The following CCSER2 variants were observed in gnomAD, a reference collection of about 807,000 sequenced individuals.
The protein encoded by CCSER2 is coiled-coil serine rich protein 2.
Under a neutral mutation model 92.3 loss-of-function variants are expected in CCSER2, and 46 were observed. The observed-to-expected ratio is 0.50, with a 90% CI of 0.39 to 0.64. The LOEUF (loss-of-function observed/expected upper bound fraction) is 0.64. Among genes scored for constraint, CCSER2 ranks in the 30% least tolerant of loss-of-function variants. The probability of loss-of-function intolerance (pLI) is 0.00; values close to 1 mark genes in which losing one functional copy is unlikely to be tolerated. For synonymous variants in CCSER2, 433 were observed against 431.4 expected (o/e 1.00, Z -0.04); for missense variants, 1,244 against 1,238.9 (o/e 1.00, Z -0.06).
At chr10:84,335,228 CTTTTTTTTT>C (rs1202869188) in intron 1 of CCSER2, among the ~76,000 whole-genome samples, 2 of 70,010 alleles carry the variant, frequency 2.9e-5, no homozygotes, top group South Asian at 7.4e-4. Context: ...CTCTCTCTCT[CTTTTTTTTT>C]TTTTTTTTTT....
chr10:84,507,330 C>T (rs1849111131), intron 9 of CCSER2: 6 of 984,818 alleles, frequency 6.1e-6, no homozygotes, highest in Admixed American at 6.2e-5. Flanking sequence ...TCTGACAAAG[C>T]GTGGTACAGT....
intron 1 of CCSER2, among the ~76,000 whole-genome samples, chr10:84,360,424 T>G (rs1195885912): frequency 1.3e-5 from 2 of 152,234 alleles, no homozygotes; most frequent in East Asian, 3.8e-4. Context: ...TTTTATCAAT[T>G]TGTAGAATAA....
chr10:84,330,904 C>A (rs556091117), intron 1 of CCSER2, among the ~76,000 whole-genome samples: 2 of 152,246 alleles, frequency 1.3e-5, no homozygotes, highest in East Asian at 3.9e-4. Flanking sequence ...TTTTGAGGCG[C>A]AAAGTCACGC....
At chr10:84,391,689 C>T (rs1841526983) in intron 3 of CCSER2, 1 of 1,521,142 alleles carries the variant, frequency 6.6e-7, no homozygotes, top group East Asian at 2.3e-5. Flanking sequence ...GAGAATACAG[C>T]AATAACGATT....
intron 6 of CCSER2, among the ~76,000 whole-genome samples, chr10:84,441,764 T>G (rs1844576421): frequency 8.9e-6 from 1 of 112,434 alleles, no homozygotes; most frequent in East Asian, 2.8e-4. Flanking sequence ...TTTTTTTTTT[T>G]TTTTTTTTTT....
chr10:84,461,740 T>C (rs1846116253), intron 6 of CCSER2, among the ~76,000 whole-genome samples: 1 of 152,004 alleles, frequency 6.6e-6, no homozygotes, highest in African/African-American at 2.4e-5. Flanking sequence ...TAATAACAGC[T>C]CTGTTAAAAT....
chr10:84,424,434 A>G (rs1010247505), intron 4 of CCSER2, among the ~76,000 whole-genome samples: 1 of 152,212 alleles, frequency 6.6e-6, no homozygotes, highest in African/African-American at 2.4e-5. Context: ...TAATGAATAT[A>G]AACAAAATTT....
intron 5 of CCSER2, among the ~76,000 whole-genome samples, chr10:84,437,124 A>G (rs1054952046): frequency 2.2e-5 from 3 of 139,134 alleles, no homozygotes; most frequent in African/African-American, 5.4e-5. Flanking sequence ...TAACTAGCCA[A>G]CCAAATACAC....
intron 3 of CCSER2, among the ~76,000 whole-genome samples, chr10:84,399,268 T>C (rs1841995203): frequency 6.6e-6 from 1 of 152,192 alleles, no homozygotes; most frequent in Non-Finnish European, 1.5e-5. Context: ...CTCCCACTTA[T>C]AAGTGAGAGC....
At chr10:84,403,903 T>C (rs1422760003) in intron 3 of CCSER2, among the ~76,000 whole-genome samples, 1 of 152,222 alleles carries the variant, frequency 6.6e-6, no homozygotes, top group Non-Finnish European at 1.5e-5. Context: ...CTTTGTGCTC[T>C]AGAAGATAAC....
chr10:84,470,013 ATTTTTTTT>A lies in CCSER2; in HGVS notation c.2149-342_2149-335del, dbSNP rs67106487. Reference sequence around the variant, plus strand: ...AGCTGAAGTTGCTTTTTTGTATGTGATTTTTTTTTTTTTTTTTTTTTTTTACTCTGTGG... The same window carrying A: ...AGCTGAAGTTGCTTTTTTGTATGTGATTTTTTTTTTTTTTTTACTCTGTGG... On this transcript the variant is annotated intron_variant, in intron 7 of 9. Transcript: ENST00000372088. Among the ~76,000 whole-genome samples the A allele has an allele frequency of 1.5e-4, 14 of 96,518 alleles. No individual in the cohort carries two copies. The East Asian group carries it at 3.6e-3, about 25-fold the overall frequency. The allele number at this position is 96,518 out of a possible 152,430, so 63.3% of individuals were successfully genotyped here.
At chr10:84,460,755 G>A (rs985490203) in intron 6 of CCSER2, among the ~76,000 whole-genome samples, 2 of 152,056 alleles carry the variant, frequency 1.3e-5, no homozygotes, top group African/African-American at 4.8e-5. Context: ...TCAAATTTGT[G>A]TGTGTAGAGT....
Position 84,417,862 on chromosome 10 carries a change from GT to G in CCSER2, c.1705+2del. 6.7e-7 allele frequency: 1 copy of G among 1,496,966 alleles called. No individual in the cohort carries two copies. The highest frequency in any genetic ancestry group is 9.3e-7 in the Non-Finnish European group (1 of 1,073,470). The allele number at this position is 1,496,966 out of a possible 1,614,324, so 92.7% of individuals were successfully genotyped here. ...CCTGAGGATGCACCTCTTGAAAATG[GT>G]AAGTTGAGACAATATTGAACCTTCA... On this transcript the variant is annotated splice_donor_variant, in intron 4 of 9. Transcript: ENST00000372088. LOFTEE classifies it high-confidence loss of function.
chr10:84,387,054 G>A (rs1213521830), intron 3 of CCSER2, among the ~76,000 whole-genome samples: 1 of 152,092 alleles, frequency 6.6e-6, no homozygotes. Flanking sequence ...TGTTCATGGA[G>A]TAAACTTACA....
intron 9 of CCSER2, among the ~76,000 whole-genome samples, chr10:84,507,703 T>C (rs1849137565): frequency 6.6e-6 from 1 of 152,180 alleles, no homozygotes; most frequent in Non-Finnish European, 1.5e-5. Context: ...CTGGCATGAG[T>C]GCTTTTCCGT....
chr10:84,502,666 C>T (rs1020520983), intron 9 of CCSER2, among the ~76,000 whole-genome samples: 1 of 151,966 alleles, frequency 6.6e-6, no homozygotes, highest in African/African-American at 2.4e-5. Flanking sequence ...CCACCACGCT[C>T]GGCCTCTTTG....
chr10:84,391,689 C>A, intron 3 of CCSER2: 1 of 1,521,138 alleles, frequency 6.6e-7, no homozygotes, highest in Non-Finnish European at 9.1e-7. Flanking sequence ...GAGAATACAG[C>A]AATAACGATT....
intron 6 of CCSER2, among the ~76,000 whole-genome samples, chr10:84,456,563 A>G (rs1845635618): frequency 6.6e-6 from 1 of 152,174 alleles, no homozygotes; most frequent in Non-Finnish European, 1.5e-5. Flanking sequence ...ACAGATTTTC[A>G]TGTGAGCATG....
intron 3 of CCSER2, among the ~76,000 whole-genome samples, chr10:84,381,513 A>G (rs1840902984): frequency 6.6e-6 from 1 of 152,180 alleles, no homozygotes; most frequent in East Asian, 1.9e-4. Flanking sequence ...TTGCACAGAT[A>G]ATGTGATTTA....
Sources: allele counts gnomAD v4.1 joint callset (sites outside exome capture counted in the v4.1 genomes callset), GRCh38; gene constraint gnomAD v4.1.1; transcripts MANE v1.5; gene names NCBI Gene and HGNC (gene_info 2026-07-23, HGNC 2026-07-21).